CENPE: variants seen among roughly 807,000 people sequenced by gnomAD.
CENPE encodes the protein centromere protein E, also known as centromere-associated protein E.
Under a neutral mutation model 336.1 loss-of-function variants are expected in CENPE, and 145 were observed. That is an observed-to-expected ratio of 0.43 (90% CI 0.38 to 0.50). The LOEUF is 0.50. Among genes scored for constraint, CENPE ranks in the 20% least tolerant of loss-of-function variants. The pLI, the probability that CENPE is intolerant of heterozygous loss-of-function variation, is 0.00. For synonymous variants in CENPE, 1,013 were observed against 984.8 expected (o/e 1.03, Z -0.54); for missense variants, 2,719 against 3,023.3 (o/e 0.90, Z 2.36).
rs562859892 is a variant in CENPE, at chr4:103,164,391, G to A, written c.1648-838C>T. On this transcript the variant is annotated intron_variant, in intron 16 of 48. Transcript: ENST00000265148. ...AATTCTAATAGTATGTAAGGGGCTT[G>A]AAAATAGTATCTTATTTAAATATTT... 1.3e-3 allele frequency among the ~76,000 whole-genome samples: 200 copies of A among 152,172 alleles called. 1 individual carries two copies. The highest frequency in any genetic ancestry group is 2.7e-4 in the Non-Finnish European group (18 of 67,924).
Position 103,161,359 on chromosome 4 carries a change from T to C in CENPE, c.1941A>G (p.Glu647=). 6.2e-7 allele frequency: 1 copy of C among 1,611,472 alleles called. No individual in the cohort carries two copies. The highest frequency in any genetic ancestry group is 1.3e-5 in the African/African-American group (1 of 74,926). Residue 647 remains glutamate (E), a synonymous_variant, in exon 19 of 49, where the codon GAA becomes GAG. Transcript: ENST00000265148. ...CCATTTTCTCCTTCAGCTCCAGATT[T>C]TCACTTCTAAGAAAGGCTGATTCTC... The part of the protein sequence containing the change: ...AKRESAFLRS[E]NLELKEKMKE...
rs562056061 is a variant in CENPE at position 103,169,689 on chromosome 4, G to A, written c.1647+5047C>T. Reference sequence around the variant, plus strand: ...GAATGCTTTTACACTGTTGGTAGGAGTGTAAATTAGTTCAACATTGTGGAA... The same window carrying A: ...GAATGCTTTTACACTGTTGGTAGGAATGTAAATTAGTTCAACATTGTGGAA... On this transcript the variant is annotated intron_variant, in intron 16 of 48. Coordinates refer to ENST00000265148, the MANE Select transcript of CENPE (RefSeq NM_001813.3). Among the ~76,000 whole-genome samples, 13 of 152,220 alleles carry A rather than the reference G, an allele frequency of 8.5e-5. No individual in the cohort carries two copies. In the East Asian group the frequency reaches 2.5e-3, roughly 29 times the overall value.
At chr4:103,165,001 A>G (rs1044718921) in intron 16 of CENPE, among the ~76,000 whole-genome samples, 4 of 152,184 alleles carry the variant, frequency 2.6e-5, no homozygotes, top group African/African-American at 9.6e-5. Flanking sequence ...TTTAAAGAAT[A>G]CTAATTTAGA....
intron 24 of CENPE, among the ~76,000 whole-genome samples, chr4:103,154,322 A>C (rs1372834829): frequency 6.6e-6 from 1 of 151,862 alleles, no homozygotes; most frequent in Non-Finnish European, 1.5e-5. Flanking sequence ...AAACATAGCT[A>C]TTATAATGAA....
At chr4:103,190,393 T>C (rs1456043542) in intron 8 of CENPE, among the ~76,000 whole-genome samples, 3 of 152,104 alleles carry the variant, frequency 2.0e-5, no homozygotes, top group Non-Finnish European at 4.4e-5. Flanking sequence ...CTTCAAACTA[T>C]ACTACAAGGC....
chr4:103,196,245 G>T lies in CENPE; in HGVS notation c.156C>A (p.Val52=). The change falls in exon 3 of 49, where the codon GTC becomes GTA. Residue 52 remains valine, a synonymous_variant. Transcript: ENST00000265148. Reference sequence around the variant, plus strand: ...TTTTGGTAGTTTCATTACCATGAAAGACACGATCTAAACAACAACAACAAC... The same window carrying T: ...TTTTGGTAGTTTCATTACCATGAAATACACGATCTAAACAACAACAACAAC... ...DGSKSFNFDR[V]FHGNETTKNV... 6.2e-7 allele frequency: 1 copy of T among 1,607,086 alleles called. No homozygotes were observed. The highest frequency in any genetic ancestry group is 1.4e-5 in the African/African-American group (1 of 73,654).
Position 103,145,061 on chromosome 4 carries a change from T to C in CENPE, c.4846A>G (p.Ile1616Val). 2 of 1,502,212 alleles carry C rather than the reference T, an allele frequency of 1.3e-6. No homozygotes were observed. Among genetic ancestry groups the C allele is most frequent in the Non-Finnish European group, 1.8e-6 (2 of 1,128,788 alleles). The allele number at this position is 1,502,212 out of a possible 1,614,324, so 93.1% of individuals were successfully genotyped here. ...RDQLKENTKE[I>V]VAKMKESQEK... The stretch of plus-strand genomic sequence containing the variant: ...AGATGGGAACTTACTTTAGCTACAA[T>C]TTCTTTAGTGTTTTCTTTCAGTTGG... Residue 1616 changes from isoleucine (I) to valine (V), a missense_variant, in exon 32 of 49, where the codon ATT (isoleucine) becomes GTT (valine). This residue lies in a region of CENPE where 2,437 missense variants were observed against 2,513.3 expected (regional missense o/e 0.97). Transcript: ENST00000265148.
chr4:103,140,853 T>C lies in CENPE; in HGVS notation c.5715A>G (p.Arg1905=). Reference sequence around the variant, plus strand: ...CTTGCAGGCTTTCCTTGAGTTGGTCTCTCTCCAGTTTGAGTGTCTCCTCTA... The same window carrying C: ...CTTGCAGGCTTTCCTTGAGTTGGTCCCTCTCCAGTTTGAGTGTCTCCTCTA... The part of the protein sequence containing the change: ...RRVEETLKLE[R]DQLKESLQET... Residue 1905 remains arginine (R), a synonymous_variant, in exon 36 of 49, where the codon AGA becomes AGG. Coordinates refer to ENST00000265148, the MANE Select transcript of CENPE (RefSeq NM_001813.3). 6.2e-7 allele frequency: 1 copy of C among 1,602,376 alleles called. No individual in the cohort carries two copies. Among genetic ancestry groups the C allele is most frequent in the Non-Finnish European group, 8.5e-7 (1 of 1,176,814 alleles).
At chr4:103,108,758 C>T (rs750594941) in intron 48 of CENPE, 45 bp downstream of exon 48, 24 of 1,550,438 alleles carry the variant, frequency 1.5e-5, no homozygotes, top group Middle Eastern at 1.7e-4. Flanking sequence ...TGATAAGTTC[C>T]AACTGTTACC....
At chr4:103,116,513 T>C in intron 45 of CENPE, 64 bp downstream of exon 45, 1 of 716,934 alleles carries the variant, frequency 1.4e-6, no homozygotes, top group East Asian at 2.9e-5. Context: ...TAATGAAAAG[T>C]ATATGTAGTT....
At chr4:103,122,192 T>G (rs1036235576) in intron 43 of CENPE, among the ~76,000 whole-genome samples, 3 of 152,186 alleles carry the variant, frequency 2.0e-5, no homozygotes, top group Non-Finnish European at 4.4e-5. Flanking sequence ...AGTGATCTAG[T>G]TCTCATTAAG....
Position 103,106,241 on chromosome 4 carries a change from G to C in CENPE, c.8087C>G (p.Pro2696Arg). 1 of 1,591,684 alleles carries C rather than the reference G, an allele frequency of 6.3e-7. No individual in the cohort carries two copies. Among genetic ancestry groups the C allele is most frequent in the African/African-American group, 1.3e-5 (1 of 74,692 alleles). ...AGGAGTCTACTGAGTTTTGCACTCA[G>C]GCACATCCTTGCCTGAGGAGGCGTG... ...PWHASSGKDVPECKTQ is the reference protein window; with the variant it reads ...PWHASSGKDVRECKTQ Residue 2696 changes from proline to arginine, a missense_variant, in exon 49 of 49, where the codon CCT becomes CGT. Transcript: ENST00000265148.
At chr4:103,153,274 AG>A in intron 24 of CENPE, 24 bp from the exon 25 acceptor site, 1 of 1,506,920 alleles carries the variant, frequency 6.6e-7, no homozygotes, top group Non-Finnish European at 9.0e-7. Flanking sequence ...ACATTACAGA[AG>A]AATTTCTTAA....
chr4:103,196,042 C>CA lies in CENPE; in HGVS notation c.239-5dup, dbSNP rs774336097. 5 of 1,606,104 alleles carry CA rather than the reference C, an allele frequency of 3.1e-6. No homozygotes were observed. The South Asian group carries it at 3.3e-5, about 11-fold the overall frequency. On this transcript the variant is annotated splice_region_variant and splice_polypyrimidine_tract_variant and intron_variant, in intron 3 of 48. Transcript: ENST00000265148. ...TGTCCATAGGCAAATATAGTACCTG[C>CA]AAAAAACAAAACACACATACGCAAA...
chr4:103,185,307 A>G (rs1370261865), intron 9 of CENPE, among the ~76,000 whole-genome samples: 36 of 140,690 alleles, frequency 2.6e-4, no homozygotes, highest in African/African-American at 7.3e-4. Flanking sequence ...TCTGCCTTAG[A>G]AAAAAAAAAA....
intron 11 of CENPE, chr4:103,181,969 C>G (rs1044784813): frequency 6.5e-6 from 1 of 152,678 alleles, no homozygotes; most frequent in Non-Finnish European, 1.5e-5. Flanking sequence ...CAATGTTTCT[C>G]AGAGTATAAG....
rs1337309056 is a variant in CENPE at position 103,194,360 on chromosome 4, A to T, written c.627+14T>A. ...TTACTTGGAAAGATCTAACAGATAG[A>T]TAGAATTACCTACCATCCTAAAGAT... On this transcript the variant is annotated intron_variant, in intron 7 of 48. Coordinates refer to ENST00000265148, the MANE Select transcript of CENPE (RefSeq NM_001813.3). 1 of 1,608,620 alleles carries T rather than the reference A, an allele frequency of 6.2e-7. No homozygotes were observed. Among genetic ancestry groups the T allele is most frequent in the Non-Finnish European group, 8.5e-7 (1 of 1,176,134 alleles).
chr4:103,184,763 T>G lies in CENPE; in HGVS notation c.745+1047A>C, dbSNP rs1019674038. Among the ~76,000 whole-genome samples, 8 of 152,308 alleles carry G rather than the reference T, an allele frequency of 5.3e-5. No individual in the cohort carries two copies. In the South Asian group the frequency reaches 8.3e-4, roughly 16 times the overall value. Reference sequence around the variant, plus strand: ...ATCTTATAGTAAGATAGTAAAATCTTAAATTCCACTTTCTGCTTTTTGGAA... The same window carrying G: ...ATCTTATAGTAAGATAGTAAAATCTGAAATTCCACTTTCTGCTTTTTGGAA... On this transcript the variant is annotated intron_variant, in intron 9 of 48. Coordinates refer to ENST00000265148, the MANE Select transcript of CENPE (RefSeq NM_001813.3).
intron 5 of CENPE, 74 bp from the exon 6 acceptor site, chr4:103,194,758 C>T: frequency 9.1e-7 from 1 of 1,094,358 alleles, no homozygotes; most frequent in Non-Finnish European, 1.3e-6. Context: ...AAGGTGCAAA[C>T]TATTATAGAA....
Sources: allele counts gnomAD v4.1 joint callset (sites outside exome capture counted in the v4.1 genomes callset), GRCh38; gene constraint gnomAD v4.1.1; regional missense constraint gnomAD v4.1.1; transcripts MANE v1.5; gene names NCBI Gene and HGNC (gene_info 2026-07-23, HGNC 2026-07-21).